The following NFS1 variants were observed in gnomAD, a reference collection of about 807,000 sequenced individuals.
NFS1 encodes the protein NFS1 cysteine desulfurase, also known as cysteine desulfurase.
Under a neutral mutation model 57.3 loss-of-function variants are expected in NFS1, and 26 were observed. That is an observed-to-expected ratio of 0.45 (90% CI 0.33 to 0.63). The LOEUF (loss-of-function observed/expected upper bound fraction) is 0.63. Among genes scored for constraint, NFS1 ranks in the 20% least tolerant of loss-of-function variants. The pLI is 0.02. For missense variants in NFS1, 505 were observed against 605.8 expected (o/e 0.83, Z 1.75); for synonymous variants, 209 against 216.3 (o/e 0.97, Z 0.30).
chr20:35,680,880 A>G lies in NFS1; in HGVS notation c.656-9T>C. The G allele has an allele frequency of 6.7e-7, 1 of 1,493,858 alleles. No individual in the cohort carries two copies. Among genetic ancestry groups the G allele is most frequent in the Non-Finnish European group, 8.9e-7 (1 of 1,119,048 alleles). 92.5% of individuals were successfully genotyped at this position (1,493,858 alleles called of 1,614,324 possible). A position where few individuals can be genotyped will look rare whatever the true frequency, so the allele number is the denominator to read the frequency against. ...GGAACTGCAAATCCGCCCTGAGGAA[A>G]CAGAGGGGAAGACCCACAGCACAAT... On this transcript the variant is annotated splice_polypyrimidine_tract_variant and intron_variant, in intron 6 of 12. Coordinates refer to ENST00000374092, the MANE Select transcript of NFS1 (RefSeq NM_021100.5).
At chr20:35,692,186 CA>C (rs1371945320) in intron 4 of NFS1, 5 of 231,108 alleles carry the variant, frequency 2.2e-5, no homozygotes, top group Non-Finnish European at 4.2e-5. Context: ...AACTCTGTCT[CA>C]AAAAATAAAT....
chr20:35,694,803 G>A (rs1331357820), intron 4 of NFS1: 4 of 152,262 alleles, frequency 2.6e-5, no homozygotes, highest in East Asian at 1.9e-4. Context: ...GCAGGAGAAT[G>A]GCGTGAACCC....
intron 4 of NFS1, chr20:35,692,296 C>T (rs911050169): frequency 1.3e-5 from 3 of 239,392 alleles, no homozygotes; most frequent in Non-Finnish European, 2.6e-5. Context: ...ATCGCTTGAA[C>T]CTGGGAGGCA....
intron 5 of NFS1, among the ~76,000 whole-genome samples, chr20:35,682,245 AC>A: frequency 6.6e-6 from 1 of 152,342 alleles, no homozygotes; most frequent in Admixed American, 6.5e-5. Flanking sequence ...ACATGAAATT[AC>A]CATAGAACCC....
intron 7 of NFS1, chr20:35,675,472 C>A (rs1255012813): frequency 1.5e-5 from 7 of 469,256 alleles, no homozygotes; most frequent in Non-Finnish European, 2.6e-5. Flanking sequence ...TCATACATTA[C>A]AGTATTATTC....
intron 5 of NFS1, among the ~76,000 whole-genome samples, chr20:35,689,176 C>T (rs1014803633): frequency 6.6e-6 from 1 of 152,202 alleles, no homozygotes; most frequent in Non-Finnish European, 1.5e-5. Context: ...AACCAGAAAA[C>T]ACCAACAAAT....
In NFS1 at chr20:35,699,346, C is replaced by T. The variant is rs2035205166; in HGVS notation, c.-58G>A. ...GCTGCAGTCCTGGGCCCCAGGCTCCCGGAAGTGCTGCCCGGCGCTCCGGAA... is the reference window on the plus strand; with the variant it reads ...GCTGCAGTCCTGGGCCCCAGGCTCCTGGAAGTGCTGCCCGGCGCTCCGGAA... On this transcript the variant is annotated 5_prime_UTR_variant, in exon 1 of 13. Transcript: ENST00000374092. This position sits in a 1 kb window ranked among gnomAD's most constrained non-coding sequence, Gnocchi z 4.4. 3.6e-6 allele frequency: 5 copies of T among 1,381,014 alleles called. No individual in the cohort carries two copies. The highest frequency in any genetic ancestry group is 6.5e-5 in the Admixed American group (2 of 30,586). The allele number at this position is 1,381,014 out of a possible 1,614,324, so 85.5% of individuals were successfully genotyped here. A position where few individuals can be genotyped will look rare whatever the true frequency, so the allele number is the denominator to read the frequency against.
At chr20:35,675,789 T>C (rs907293826) in intron 7 of NFS1, 5 of 147,078 alleles carry the variant, frequency 3.4e-5, no homozygotes, top group African/African-American at 1.3e-4. Context: ...AGACATGAGA[T>C]GAACCCAGGT....
At position 35,680,859 on chromosome 20, in the gene NFS1, C is replaced by G. The variant is rs1404946897; in HGVS notation, c.668G>C (p.Ser223Thr). The G allele has an allele frequency of 3.3e-6, 5 of 1,529,590 alleles. No homozygotes were observed. The highest frequency in any genetic ancestry group is 4.4e-6 in the Non-Finnish European group (5 of 1,139,234). 94.8% of individuals were successfully genotyped at this position (1,529,590 alleles called of 1,614,324 possible). Residue 223 changes from serine to threonine, a missense_variant, in exon 7 of 13, where the codon AGT (serine) becomes ACT (threonine). Ser to Thr is a moderately conservative substitution (Grantham distance 58, BLOSUM62 1). Coordinates refer to ENST00000374092, the MANE Select transcript of NFS1 (RefSeq NM_021100.5). ...AGTATGGAAATATACCTTTCTGGAA[C>G]TGCAAATCCGCCCTGAGGAAACAGA... ...QPIAEIGRIC[S>T]SRKVYFHTDA...
In NFS1 at chr20:35,697,777, C is replaced by A. The variant is rs998992481; in HGVS notation, c.231G>T (p.Met77Ile). Residue 77 changes from methionine to isoleucine, a missense_variant, in exon 3 of 13, where the codon ATG becomes ATT. Met to Ile is a conservative substitution (Grantham distance 10, BLOSUM62 1). Transcript: ENST00000374092. ...CATAGTAGTTGATTAGGTAAGGGAG[C>A]ATGGCATCAAGCACCCGGGGGTCCT... is the stretch of plus-strand genomic sequence containing the variant. ...TPLDPRVLDA[M>I]LPYLINYYGN... 30 of 1,613,360 alleles carry A rather than the reference C, an allele frequency of 1.9e-5. No homozygotes were observed. The East Asian group carries it at 6.7e-4, about 36-fold the overall frequency.
Position 35,699,322 on chromosome 20 carries a change from CT to C in NFS1, c.-35del. The C allele has an allele frequency of 7.2e-7, 1 of 1,396,552 alleles. No individual in the cohort carries two copies. 86.5% of individuals were successfully genotyped at this position (1,396,552 alleles called of 1,614,324 possible). ...TGGCAGAGCCCACCTTCCGAAGCCG[CT>C]GCAGTCCTGGGCCCCAGGCTCCCGG... On this transcript the variant is annotated 5_prime_UTR_variant, in exon 1 of 13. Coordinates refer to ENST00000374092, the MANE Select transcript of NFS1 (RefSeq NM_021100.5). The surrounding 1 kb of genome is among the most constrained non-coding windows in gnomAD (Gnocchi z 4.4).
At chr20:35,682,877 G>A (rs750829275) in intron 5 of NFS1, 1 of 157,038 alleles carries the variant, frequency 6.4e-6, no homozygotes. Context: ...AGGAGATCAA[G>A]ACCATCCTGG....
At chr20:35,686,690 G>A (rs2034950247) in intron 5 of NFS1, among the ~76,000 whole-genome samples, 1 of 152,150 alleles carries the variant, frequency 6.6e-6, no homozygotes, top group Non-Finnish European at 1.5e-5. Flanking sequence ...TGATGAGGAT[G>A]TGCAGGACAC....
At chr20:35,690,364 G>A (rs1427143510) in intron 5 of NFS1, 49 bp downstream of exon 5, 2 of 1,583,188 alleles carry the variant, frequency 1.3e-6, no homozygotes, top group Non-Finnish European at 1.7e-6. Context: ...TTTACAAGCT[G>A]AAGCCAGGCT....
intron 4 of NFS1, among the ~76,000 whole-genome samples, chr20:35,696,033 T>C (rs143820929): frequency 0.032 from 4,851 of 150,600 alleles, 264 homozygotes; most frequent in African/African-American, 0.11. Flanking sequence ...AGTGAGACTA[T>C]GTATCAAAAA....
intron 11 of NFS1, 69 bp from the exon 12 acceptor site, chr20:35,672,913 TACTC>T (rs1376975868): frequency 2.3e-6 from 2 of 874,692 alleles, no homozygotes; most frequent in Non-Finnish European, 3.7e-6. Context: ...ATTCCGCAAA[TACTC>T]ACTAAGGATC....
rs772098298 is a variant in NFS1, at chr20:35,697,754, T to C, written c.254A>G (p.Tyr85Cys). 3.7e-6 allele frequency: 6 copies of C among 1,613,930 alleles called. No individual in the cohort carries two copies. The highest frequency in any genetic ancestry group is 4.2e-6 in the Non-Finnish European group (5 of 1,179,968). The change falls in exon 3 of 13, where the codon TAT becomes TGT. Residue 85 changes from tyrosine (Y) to cysteine (C), a missense_variant. By Grantham distance (194) the Tyr-to-Cys change is radical. Coordinates refer to ENST00000374092, the MANE Select transcript of NFS1 (RefSeq NM_021100.5). ...DAMLPYLINY[Y>C]GNPHSRTHAY... Reference sequence around the variant, plus strand: ...ATGTGTCCGGGAGTGTGGGTTCCCATAGTAGTTGATTAGGTAAGGGAGCAT... The same window carrying C: ...ATGTGTCCGGGAGTGTGGGTTCCCACAGTAGTTGATTAGGTAAGGGAGCAT...
chr20:35,678,778 G>T (rs1202070733), intron 7 of NFS1, among the ~76,000 whole-genome samples: 2 of 151,750 alleles, frequency 1.3e-5, no homozygotes, highest in Non-Finnish European at 2.9e-5. Context: ...AGGGTTGCTT[G>T]AGCCCAGGAG....
chr20:35,696,508 A>T, intron 3 of NFS1, 48 bp from the exon 4 acceptor site: 2 of 1,447,874 alleles, frequency 1.4e-6, no homozygotes, highest in Non-Finnish European at 1.9e-6. Flanking sequence ...CCCAGGCAGA[A>T]ATAGAGCTGC....
Sources: gnomAD v4.1 joint callset for allele counts (sites outside exome capture counted in the v4.1 genomes callset) on GRCh38, gnomAD v4.1.1 for gene constraint, Gnocchi (gnomAD v3.1) non-coding constraint, MANE v1.5 for transcripts, NCBI Gene and HGNC (gene_info 2026-07-23, HGNC 2026-07-21) for gene names.